CAPRIN1: variants seen among roughly 807,000 people sequenced by gnomAD.
CAPRIN1 encodes the protein cell cycle associated protein 1.
Under a neutral mutation model 100.9 loss-of-function variants are expected in CAPRIN1, and 29 were observed. The ratio of observed to expected loss-of-function variants is 0.29; its 90% CI spans 0.21 to 0.39. The LOEUF is 0.39. Ranked by LOEUF, CAPRIN1 falls within the 10% of genes least tolerant of loss-of-function variation. The probability of loss-of-function intolerance (pLI) is 1.00; values close to 1 mark genes in which losing one functional copy is unlikely to be tolerated. For missense variants in CAPRIN1, 795 were observed against 876.7 expected (o/e 0.91, Z 1.18); for synonymous variants, 338 against 307.5 (o/e 1.10, Z -1.04).
chr11:34,053,012 C>T (rs1222979641), intron 2 of CAPRIN1: 13 of 1,045,462 alleles, frequency 1.2e-5, no homozygotes, highest in African/African-American at 5.2e-5. Context: ...TGACGAGGGC[C>T]CAAAATGAAG....
chr11:34,056,987 G>A (rs1363317373), intron 2 of CAPRIN1, among the ~76,000 whole-genome samples: 1 of 152,196 alleles, frequency 6.6e-6, no homozygotes, highest in Non-Finnish European at 1.5e-5. Flanking sequence ...AAAGAATGCT[G>A]TTGTTGTGAG....
Position 34,072,650 on chromosome 11 carries a change from G to A in CAPRIN1, c.366+663G>A, listed in dbSNP as rs78136020. ...TCCAACTTAATAGTGGGTTTTTGATGTGACAAAAACCTTTGGGAATAAGGA... is the reference window on the plus strand; with the variant it reads ...TCCAACTTAATAGTGGGTTTTTGATATGACAAAAACCTTTGGGAATAAGGA... On this transcript the variant is annotated intron_variant, in intron 4 of 18. Transcript: ENST00000341394. 6.1e-3 allele frequency among the ~76,000 whole-genome samples: 932 copies of A among 152,266 alleles called. 12 individuals are homozygous for A. Among genetic ancestry groups the A allele is most frequent in the African/African-American group, 0.021 (879 of 41,550 alleles).
At chr11:34,085,723 G>T (rs1360848656) in intron 9 of CAPRIN1, among the ~76,000 whole-genome samples, 6 of 152,126 alleles carry the variant, frequency 3.9e-5, no homozygotes, top group Non-Finnish European at 8.8e-5. Context: ...AGAATTGCTT[G>T]AACCCGGGAG....
rs1455235722 is a variant in CAPRIN1 at position 34,084,099 on chromosome 11, A to G, written c.966+1058A>G. On this transcript the variant is annotated intron_variant, in intron 9 of 18. Transcript: ENST00000341394. Reference sequence around the variant, plus strand: ...AAAACCCATTTTCCAAAGAGATTGCAAAGTTTTTTTTTTTTGAGAGTCTCA... The same window carrying G: ...AAAACCCATTTTCCAAAGAGATTGCGAAGTTTTTTTTTTTTGAGAGTCTCA... 3.9e-5 allele frequency among the ~76,000 whole-genome samples: 6 copies of G among 151,920 alleles called. No individual in the cohort carries two copies. In the South Asian group the frequency reaches 1.0e-3, roughly 26 times the overall value.
intron 15 of CAPRIN1, among the ~76,000 whole-genome samples, chr11:34,095,589 C>T (rs1422424703): frequency 6.6e-6 from 1 of 152,190 alleles, no homozygotes; most frequent in African/African-American, 2.4e-5. Context: ...CTCTCTGCCC[C>T]AAAAGGGGAG....
In CAPRIN1 at chr11:34,082,787, A is replaced by C. The variant is rs752647167; in HGVS notation, c.827-38A>C. ...AGAGTAGAGTAGTATCACTGACCTA[A>C]AAATCCTTTTGTTTTGCACCATTTT... On this transcript the variant is annotated intron_variant, in intron 7 of 18. Coordinates refer to ENST00000341394, the MANE Select transcript of CAPRIN1 (RefSeq NM_005898.5). The C allele has an allele frequency of 1.0e-4, 162 of 1,560,906 alleles. No homozygotes were observed. The South Asian group carries it at 1.8e-3, about 17-fold the overall frequency.
chr11:34,054,370 A>G (rs1399802804), intron 2 of CAPRIN1, among the ~76,000 whole-genome samples: 1 of 152,232 alleles, frequency 6.6e-6, no homozygotes, highest in East Asian at 1.9e-4. Context: ...AAGCATGCCC[A>G]AGGCCAGTAT....
chr11:34,090,306 G>C lies in CAPRIN1; in HGVS notation c.1404+17G>C. The C allele has an allele frequency of 6.5e-7, 1 of 1,532,814 alleles. No homozygotes were observed. The highest frequency in any genetic ancestry group is 9.0e-7 in the Non-Finnish European group (1 of 1,106,436). 95.0% of individuals were successfully genotyped at this position (1,532,814 alleles called of 1,614,324 possible). On this transcript the variant is annotated intron_variant, in intron 13 of 18. Transcript: ENST00000341394. ...CAGATTCAGGCAAGTTCTGTTACCG[G>C]GTCACATACATTTGATGAGGCACTT...
In CAPRIN1 at chr11:34,102,246, G is replaced by C. The variant is rs1851464551; in HGVS notation, c.*2879G>C. Among the ~76,000 whole-genome samples the C allele has an allele frequency of 6.6e-6, 1 of 152,154 alleles. No individual in the cohort carries two copies. Among genetic ancestry groups the C allele is most frequent in the African/African-American group, 2.4e-5 (1 of 41,426 alleles). ...GAGTTAACAACTAGTTGAGCAGTCA[G>C]CTTCCTAAGTGTTTTAGGACATTTG... On this transcript the variant is annotated 3_prime_UTR_variant, in exon 19 of 19. Coordinates refer to ENST00000341394, the MANE Select transcript of CAPRIN1 (RefSeq NM_005898.5).
intron 15 of CAPRIN1, among the ~76,000 whole-genome samples, chr11:34,092,358 CTTT>C (rs1216471251): frequency 2.9e-5 from 4 of 139,366 alleles, no homozygotes; most frequent in Admixed American, 7.2e-5. Context: ...ATAAAGTGTA[CTTT>C]TTTTTTTTTT....
intron 12 of CAPRIN1, 96 bp from the exon 13 acceptor site, chr11:34,090,083 C>G (rs1851232744): frequency 3.3e-6 from 2 of 612,340 alleles, no homozygotes; most frequent in Non-Finnish European, 2.9e-6. Flanking sequence ...GCAGTTGTAT[C>G]TATTTCTTAG....
intron 6 of CAPRIN1, among the ~76,000 whole-genome samples, chr11:34,079,425 A>G (rs979716798): frequency 6.6e-6 from 1 of 152,126 alleles, no homozygotes; most frequent in East Asian, 1.9e-4. Context: ...AAAACCCCGT[A>G]AAGTTTAATA....
chr11:34,082,728 A>G, intron 7 of CAPRIN1, 97 bp from the exon 8 acceptor site: 2 of 820,570 alleles, frequency 2.4e-6, no homozygotes, highest in Non-Finnish European at 4.1e-6. Flanking sequence ...GGTTTGGACA[A>G]ATGCATAATG....
At chr11:34,061,884 T>C (rs1422356779) in intron 2 of CAPRIN1, among the ~76,000 whole-genome samples, 3 of 148,252 alleles carry the variant, frequency 2.0e-5, no homozygotes, top group African/African-American at 7.5e-5. Context: ...GGCAGGAGAA[T>C]CGCTGGAACC....
intron 9 of CAPRIN1, among the ~76,000 whole-genome samples, chr11:34,083,308 C>G (rs1402140454): frequency 6.6e-6 from 1 of 152,152 alleles, no homozygotes; most frequent in Admixed American, 6.5e-5. Flanking sequence ...TTGTCTCTTA[C>G]TGAAATTAGG....
intron 1 of CAPRIN1, 142 bp from the exon 2 acceptor site, chr11:34,052,279 G>A (rs1454272234): frequency 1.4e-6 from 1 of 689,752 alleles, no homozygotes; most frequent in African/African-American, 2.0e-5. Flanking sequence ...TGCCCTCGAG[G>A]CGCGCCGCGC....
chr11:34,064,830 A>G (rs1053072256), intron 2 of CAPRIN1, among the ~76,000 whole-genome samples: 1 of 152,190 alleles, frequency 6.6e-6, no homozygotes, highest in African/African-American at 2.4e-5. Context: ...TGAAATAGTT[A>G]CTAGGTTAGA....
At chr11:34,084,598 G>A (rs1245735230) in intron 9 of CAPRIN1, among the ~76,000 whole-genome samples, 1 of 152,114 alleles carries the variant, frequency 6.6e-6, no homozygotes, top group African/African-American at 2.4e-5. Flanking sequence ...ATATACAGGT[G>A]TTTCACATCT....
intron 12 of CAPRIN1, 35 bp downstream of exon 12, chr11:34,089,491 G>A: frequency 1.5e-6 from 2 of 1,293,660 alleles, no homozygotes; most frequent in Non-Finnish European, 2.2e-6. Context: ...TCAGGGCCAG[G>A]TTAGGTGGCT....
Sources: gnomAD v4.1 joint callset for allele counts (sites outside exome capture counted in the v4.1 genomes callset) on GRCh38, gnomAD v4.1.1 for gene constraint, MANE v1.5 for transcripts, NCBI Gene and HGNC (gene_info 2026-07-23, HGNC 2026-07-21) for gene names.